Variants in GRM7 observed in about 807,000 individuals in gnomAD.
GRM7 encodes the protein metabotropic glutamate receptor 7.
Under a neutral mutation model 84.5 loss-of-function variants are expected in GRM7, and 35 were observed. That is an observed-to-expected ratio of 0.41 (90% CI 0.32 to 0.55). GRM7 has a LOEUF of 0.55. GRM7 is among the 20% of genes least tolerant of loss of function. The pLI, the probability that GRM7 is intolerant of heterozygous loss-of-function variation, is 0.19. For synonymous variants in GRM7, 487 were observed against 455.1 expected, an observed-to-expected ratio of 1.07 and a Z score of -0.89; for missense variants, 1,003 against 1,194.6, an observed-to-expected ratio of 0.84 and a Z score of 2.36.
At chr3:7,335,127 C>A (rs145787847) in intron 4 of GRM7, among the ~76,000 whole-genome samples, 2 of 152,092 alleles carry the variant, frequency 1.3e-5, no homozygotes, top group Admixed American at 6.6e-5. Context: ...TTCATCAGCA[C>A]GTGAAACATT....
At position 7,531,478 on chromosome 3, in the gene GRM7, C is replaced by G. The variant is rs543461080; in HGVS notation, c.1516-46944C>G. On this transcript the variant is annotated intron_variant, in intron 7 of 9. Transcript: ENST00000357716. ...GTTTTTCCATTTGTTTGTGTCCTCTCTTATTTCCTTGAGCAGAGGTTTGTA... is the reference window on the plus strand; with the variant it reads ...GTTTTTCCATTTGTTTGTGTCCTCTGTTATTTCCTTGAGCAGAGGTTTGTA... Among the ~76,000 whole-genome samples, 30 of 152,180 alleles carry G rather than the reference C, an allele frequency of 2.0e-4. No homozygotes were observed. In the South Asian group the frequency reaches 5.6e-3, roughly 28 times the overall value.
intron 8 of GRM7, among the ~76,000 whole-genome samples, chr3:7,651,420 T>A (rs186686004): frequency 6.6e-6 from 1 of 152,306 alleles, no homozygotes; most frequent in African/African-American, 2.4e-5. Context: ...GAGAATAAGA[T>A]GATTATTTAT....
chr3:7,216,570 T>C (rs192430546), intron 2 of GRM7, among the ~76,000 whole-genome samples: 107 of 152,292 alleles, frequency 7.0e-4, no homozygotes, highest in African/African-American at 2.5e-3. Flanking sequence ...TATGCAAAAC[T>C]GGAAAATAAC....
chr3:6,973,729 A>G (rs1559361299), intron 1 of GRM7, among the ~76,000 whole-genome samples: 1 of 152,226 alleles, frequency 6.6e-6, no homozygotes, highest in Non-Finnish European at 1.5e-5. Flanking sequence ...GAATGTGCCT[A>G]GAATATTCAA....
At chr3:7,312,485 C>T (rs964185533) in intron 4 of GRM7, among the ~76,000 whole-genome samples, 6 of 152,006 alleles carry the variant, frequency 3.9e-5, no homozygotes, top group African/African-American at 1.2e-4. Context: ...TTGGTAGGGT[C>T]GAGTGATATT....
intron 2 of GRM7, among the ~76,000 whole-genome samples, chr3:7,164,938 C>A (rs931220757): frequency 2.0e-5 from 3 of 152,118 alleles, no homozygotes; most frequent in African/African-American, 7.2e-5. Flanking sequence ...AGAACAGAAA[C>A]TAAAAAGGAG....
At chr3:6,892,340 C>T (rs115174728) in intron 1 of GRM7, among the ~76,000 whole-genome samples, 1,730 of 151,606 alleles carry the variant, frequency 0.011, 33 homozygotes, top group African/African-American at 0.039. Context: ...GTTGGGTCAG[C>T]GAGGCAGGCC....
rs79354802 is a variant in GRM7 at position 7,083,817 on chromosome 3, C to G, written c.520-62635C>G. Among the ~76,000 whole-genome samples the G allele has an allele frequency of 5.6e-3, 859 of 152,224 alleles. 21 individuals are homozygous for G. The highest frequency in any genetic ancestry group is 0.041 in the East Asian group (213 of 5,166). ...GCTACGACGAAAATCAAAGGCCTTT[C>G]TGATGAGGTGTCACTTGAGCATGCT... is the stretch of plus-strand genomic sequence containing the variant. On this transcript the variant is annotated intron_variant, in intron 1 of 9. Transcript: ENST00000357716.
At chr3:7,542,118 C>T (rs1401027802) in intron 7 of GRM7, among the ~76,000 whole-genome samples, 5 of 152,162 alleles carry the variant, frequency 3.3e-5, no homozygotes, top group Non-Finnish European at 7.3e-5. Context: ...TGAAGTATGA[C>T]CTCATTGTAA....
At chr3:7,404,479 A>C (rs1490680697) in intron 4 of GRM7, among the ~76,000 whole-genome samples, 6 of 152,242 alleles carry the variant, frequency 3.9e-5, no homozygotes, top group African/African-American at 7.2e-5. Flanking sequence ...AATTAAGATG[A>C]CATATTGGAG....
At chr3:7,680,389 A>C in intron 9 of GRM7, 94 bp downstream of exon 9, 1 of 1,336,742 alleles carries the variant, frequency 7.5e-7, no homozygotes, top group Non-Finnish European at 1.1e-6. Flanking sequence ...AAATACTGTG[A>C]TCGTTCTTGT....
chr3:7,362,742 T>C (rs1499201), intron 4 of GRM7, among the ~76,000 whole-genome samples: 151,953 of 152,242 alleles, frequency 1, 75,833 homozygotes, highest in Middle Eastern at 1. Flanking sequence ...TGGTGTAGCG[T>C]GAAGAGGTGT....
intron 1 of GRM7, among the ~76,000 whole-genome samples, chr3:6,937,577 G>A (rs1292988116): frequency 6.6e-6 from 1 of 152,106 alleles, no homozygotes; most frequent in East Asian, 1.9e-4. Flanking sequence ...GGTAACCATT[G>A]AAAATTCTCT....
intron 5 of GRM7, among the ~76,000 whole-genome samples, chr3:7,447,835 G>T (rs1697584142): frequency 6.6e-6 from 1 of 150,938 alleles, no homozygotes; most frequent in African/African-American, 2.4e-5. Flanking sequence ...TGCCATGCTG[G>T]TGTGCTGCAC....
chr3:7,077,121 G>A (rs993739675), intron 1 of GRM7, among the ~76,000 whole-genome samples: 12 of 152,124 alleles, frequency 7.9e-5, no homozygotes, highest in African/African-American at 7.2e-5. Flanking sequence ...TTACACTGTG[G>A]GTGGGAGTGT....
intron 6 of GRM7, among the ~76,000 whole-genome samples, chr3:7,459,459 T>G (rs1012423982): frequency 1.1e-4 from 16 of 152,022 alleles, no homozygotes; most frequent in African/African-American, 3.9e-4. Flanking sequence ...TGCCTAATAC[T>G]GGGTAATTTA....
chr3:6,977,438 G>A (rs909362982), intron 1 of GRM7, among the ~76,000 whole-genome samples: 13 of 151,848 alleles, frequency 8.6e-5, no homozygotes, highest in African/African-American at 3.1e-4. Context: ...GAAATAAATC[G>A]TTATTCCCTA....
intron 2 of GRM7, among the ~76,000 whole-genome samples, chr3:7,228,487 T>C (rs866620414): frequency 2.0e-5 from 3 of 152,334 alleles, no homozygotes; most frequent in Non-Finnish European, 2.9e-5. Flanking sequence ...TCTTGGGTCC[T>C]GGCTTAAGGA....
intron 1 of GRM7, among the ~76,000 whole-genome samples, chr3:7,075,259 G>T (rs1359154104): frequency 6.6e-6 from 1 of 152,158 alleles, no homozygotes; most frequent in Non-Finnish European, 1.5e-5. Context: ...AGACCTTGGT[G>T]CTGAACACCC....
Sources: allele counts gnomAD v4.1 joint callset (sites outside exome capture counted in the v4.1 genomes callset), GRCh38; gene constraint gnomAD v4.1.1; transcripts MANE v1.5; gene names NCBI Gene and HGNC (gene_info 2026-07-23, HGNC 2026-07-21).